Variants in ANO4 observed in about 807,000 individuals in gnomAD.
ANO4 encodes anoctamin-4.
A neutral mutation model predicts 141.9 loss-of-function variants in ANO4; 69 were observed. The observed-to-expected ratio is 0.49, with a 90% CI of 0.40 to 0.59. ANO4 has a LOEUF of 0.59. ANO4 is among the 20% of genes least tolerant of loss of function. The pLI, the probability that ANO4 is intolerant of heterozygous loss-of-function variation, is 0.00. For synonymous variants in ANO4, 350 were observed against 394.3 expected, an observed-to-expected ratio of 0.89 and a Z score of 1.33; for missense variants, 894 against 1,162.2, an observed-to-expected ratio of 0.77 and a Z score of 3.36.
upstream of ANO4, among the ~76,000 whole-genome samples, chr12:100,793,698 A>G (rs952704303): frequency 2.0e-5 from 3 of 152,210 alleles, no homozygotes; most frequent in African/African-American, 7.2e-5. Context: ...CATCTTACAA[A>G]AAGTTCTGAA....
At chr12:101,041,486 A>G (rs913676441) in intron 11 of ANO4, among the ~76,000 whole-genome samples, 7 of 152,248 alleles carry the variant, frequency 4.6e-5, no homozygotes, top group African/African-American at 1.7e-4. Flanking sequence ...TAATTGCTGT[A>G]GGCAGCACAT....
intron 1 of ANO4, among the ~76,000 whole-genome samples, chr12:100,855,799 T>C (rs1490802581): frequency 1.3e-5 from 2 of 152,188 alleles, no homozygotes; most frequent in Non-Finnish European, 2.9e-5. Flanking sequence ...TAATACCTAC[T>C]GTGTGGGAAG....
chr12:100,798,672 A>G (rs2034494581), intron 1 of ANO4, among the ~76,000 whole-genome samples: 2 of 152,202 alleles, frequency 1.3e-5, no homozygotes, highest in Admixed American at 6.5e-5. Context: ...TTGGAGGGAG[A>G]TGGCAGAATT....
chr12:100,790,436 T>G (rs566191050), upstream of ANO4, among the ~76,000 whole-genome samples: 2 of 152,338 alleles, frequency 1.3e-5, no homozygotes, highest in Non-Finnish European at 2.9e-5. Flanking sequence ...TTGCAGCCCC[T>G]AATTCTGTGT....
At chr12:100,868,593 T>A (rs1514790) in intron 1 of ANO4, among the ~76,000 whole-genome samples, 60,111 of 151,878 alleles carry the variant, frequency 0.4, 12,124 homozygotes, top group Admixed American at 0.47. Context: ...ACAAAGACAC[T>A]GATTCCATTT....
At chr12:100,909,924 A>G (rs940304071) in intron 2 of ANO4, among the ~76,000 whole-genome samples, 8 of 152,216 alleles carry the variant, frequency 5.3e-5, no homozygotes, top group Admixed American at 6.5e-5. Flanking sequence ...TCCCAATTAA[A>G]TTTAAATTTC....
At chr12:101,073,352 C>G (rs181218022) in intron 14 of ANO4, among the ~76,000 whole-genome samples, 4 of 151,946 alleles carry the variant, frequency 2.6e-5, no homozygotes, top group Admixed American at 2.6e-4. Context: ...TGTTCTCACT[C>G]GTAAGTGGGT....
intron 1 of ANO4, among the ~76,000 whole-genome samples, chr12:100,802,030 A>G (rs2034728773): frequency 6.6e-6 from 1 of 152,230 alleles, no homozygotes; most frequent in South Asian, 2.1e-4. Flanking sequence ...TTGAGGGTAC[A>G]CTTTGCCATT....
At chr12:101,126,231 T>C (rs1160031613) in intron 26 of ANO4, among the ~76,000 whole-genome samples, 2 of 152,210 alleles carry the variant, frequency 1.3e-5, no homozygotes, top group African/African-American at 2.4e-5. Context: ...TTTAATACTT[T>C]AGAATTGTAA....
intron 5 of ANO4, among the ~76,000 whole-genome samples, chr12:100,957,923 G>C (rs1452870838): frequency 6.6e-6 from 1 of 152,176 alleles, no homozygotes; most frequent in Admixed American, 6.5e-5. Flanking sequence ...GGCCAGGCTG[G>C]TCTCAAACCC....
chr12:100,967,570 GACACACACACACACACACACAC>G (rs3059289), intron 5 of ANO4, among the ~76,000 whole-genome samples: 1 of 149,160 alleles, frequency 6.7e-6, no homozygotes, highest in African/African-American at 2.5e-5. Flanking sequence ...ATGTAAAGAG[GACACACACACACACACACACAC>G]ACACACACAC....
chr12:100,761,819 T>C (rs1309489602), intron 3 of ANO4, among the ~76,000 whole-genome samples: 1 of 152,212 alleles, frequency 6.6e-6, no homozygotes, highest in East Asian at 1.9e-4. Flanking sequence ...ATGTTGACTT[T>C]TCTGCACAAT....
At chr12:101,049,342 T>C (rs2047762860) in intron 14 of ANO4, among the ~76,000 whole-genome samples, 2 of 152,230 alleles carry the variant, frequency 1.3e-5, no homozygotes, top group African/African-American at 4.8e-5. Flanking sequence ...AAATGTCATC[T>C]GCTCCAGCCA....
chr12:100,915,672 A>G (rs1054915582), intron 2 of ANO4, among the ~76,000 whole-genome samples: 1 of 152,158 alleles, frequency 6.6e-6, no homozygotes, highest in Non-Finnish European at 1.5e-5. Context: ...GAGAATGAAT[A>G]TATAAAATTT....
At chr12:100,878,636 A>G (rs2039427192) in intron 1 of ANO4, among the ~76,000 whole-genome samples, 2 of 152,218 alleles carry the variant, frequency 1.3e-5, no homozygotes. Flanking sequence ...TCCTGAAGCT[A>G]TTGGAATGAA....
chr12:100,975,800 T>C (rs184922526), intron 7 of ANO4, among the ~76,000 whole-genome samples: 1 of 152,196 alleles, frequency 6.6e-6, no homozygotes, highest in Admixed American at 6.5e-5. Flanking sequence ...AAGCTTGAAG[T>C]GCAGATAGTC....
chr12:101,022,623 A>G (rs2046578743), intron 9 of ANO4, among the ~76,000 whole-genome samples: 1 of 152,244 alleles, frequency 6.6e-6, no homozygotes, highest in Admixed American at 6.5e-5. Flanking sequence ...CTAGAAAGCA[A>G]GTGAGTGAAA....
intron 5 of ANO4, among the ~76,000 whole-genome samples, chr12:100,960,199 C>A (rs918618143): frequency 1.3e-5 from 2 of 152,052 alleles, no homozygotes; most frequent in East Asian, 3.9e-4. Context: ...ACTAGTGACC[C>A]CCACAGAAAA....
At chr12:101,060,091 A>G (rs1593156617) in intron 14 of ANO4, among the ~76,000 whole-genome samples, 2 of 152,280 alleles carry the variant, frequency 1.3e-5, no homozygotes, top group South Asian at 2.1e-4. Flanking sequence ...CTTTGTTCCC[A>G]TTAGTTTCAA....
Sources: allele counts gnomAD v4.1 joint callset (sites outside exome capture counted in the v4.1 genomes callset), GRCh38; gene constraint gnomAD v4.1.1; transcripts MANE v1.5; gene names NCBI Gene and HGNC (gene_info 2026-07-23, HGNC 2026-07-21).